Variants in METAP1D observed in about 807,000 individuals in gnomAD.
METAP1D encodes the protein methionyl aminopeptidase type 1D, mitochondrial.
In METAP1D, 31 loss-of-function variants were observed where a neutral mutation model predicts 40.5. The ratio of observed to expected loss-of-function variants is 0.77; its 90% CI spans 0.58 to 1.03. METAP1D has a LOEUF of 1.03. Among genes scored for constraint, METAP1D ranks in the 50% least tolerant of loss-of-function variants. The probability of loss-of-function intolerance (pLI) is 0.00; values close to 1 mark genes in which losing one functional copy is unlikely to be tolerated. For synonymous variants in METAP1D, 151 were observed against 146.4 expected, an observed-to-expected ratio of 1.03 and a Z score of -0.22; for missense variants, 411 against 420.7, an observed-to-expected ratio of 0.98 and a Z score of 0.20.
At position 172,035,401 on chromosome 2, in the gene METAP1D, T is replaced by A. The variant is rs373978260; in HGVS notation, c.41-26097T>A. Among the ~76,000 whole-genome samples, 69 of 152,184 alleles carry A rather than the reference T, an allele frequency of 4.5e-4. No homozygotes were observed. In the East Asian group the frequency reaches 7.1e-3, roughly 16 times the overall value. ...GGATGGTCTCCATCTCCTGACCTCG[T>A]GATCCTACCGCCTCCGCCTCCCAAA... is the stretch of plus-strand genomic sequence containing the variant. On this transcript the variant is annotated intron_variant, in intron 1 of 9. Coordinates refer to ENST00000315796, the MANE Select transcript of METAP1D (RefSeq NM_199227.3).
chr2:172,005,519 T>TA (rs1688556130), intron 1 of METAP1D, among the ~76,000 whole-genome samples: 6 of 109,202 alleles, frequency 5.5e-5, no homozygotes, highest in Non-Finnish European at 1.2e-4. Context: ...GTGTCTGTAT[T>TA]TTATATATAT....
At chr2:172,016,332 A>ATATATATATAT (rs1558995296) in intron 1 of METAP1D, among the ~76,000 whole-genome samples, 2 of 88,014 alleles carry the variant, frequency 2.3e-5, no homozygotes, top group Admixed American at 1.3e-4. Flanking sequence ...TATATATATA[A>ATATATATATAT]ATAGTCCAGG....
intron 1 of METAP1D, among the ~76,000 whole-genome samples, chr2:172,012,646 A>G (rs938235099): frequency 7.1e-6 from 1 of 141,002 alleles, no homozygotes; most frequent in African/African-American, 2.5e-5. Context: ...AGCTTGTTTC[A>G]TGAGGGTCAG....
chr2:172,036,595 G>A (rs1047468856), intron 1 of METAP1D, among the ~76,000 whole-genome samples: 1 of 151,668 alleles, frequency 6.6e-6, no homozygotes, highest in Non-Finnish European at 1.5e-5. Context: ...TCGATCTCCT[G>A]ACCTCGTGAT....
At chr2:172,037,217 G>A (rs923080413) in intron 1 of METAP1D, among the ~76,000 whole-genome samples, 3 of 151,612 alleles carry the variant, frequency 2.0e-5, no homozygotes, top group African/African-American at 4.9e-5. Context: ...AGCCAAAATC[G>A]TGCCGTTGCA....
intron 1 of METAP1D, among the ~76,000 whole-genome samples, chr2:172,012,507 C>T (rs547421830): frequency 3.3e-5 from 5 of 152,280 alleles, no homozygotes; most frequent in African/African-American, 7.2e-5. Flanking sequence ...CCCTTGAACA[C>T]CTCTGTCACT....
chr2:172,059,474 G>A (rs1419430757), intron 1 of METAP1D, among the ~76,000 whole-genome samples: 1 of 152,116 alleles, frequency 6.6e-6, no homozygotes, highest in South Asian at 2.1e-4. Context: ...TGGAACATGT[G>A]TTCACAACTA....
chr2:172,002,421 C>T (rs150071725), intron 1 of METAP1D, among the ~76,000 whole-genome samples: 246 of 152,234 alleles, frequency 1.6e-3, no homozygotes, highest in Middle Eastern at 3.4e-3. Flanking sequence ...TAGCATTAAT[C>T]TTTTCTTTCT....
intron 1 of METAP1D, among the ~76,000 whole-genome samples, chr2:172,033,850 G>C (rs1415430920): frequency 1.3e-5 from 2 of 151,908 alleles, no homozygotes; most frequent in African/African-American, 4.8e-5. Flanking sequence ...GCCGAGGCGG[G>C]GGGGATCACG....
chr2:172,081,906 G>A lies in METAP1D; in HGVS notation c.*1500G>A, dbSNP rs1309783272. ...GGACCAGGTGGCTCGGAAAAGAGATGAGTTCCAGCTTTTACCTAACACAGG... is the reference window on the plus strand; with the variant it reads ...GGACCAGGTGGCTCGGAAAAGAGATAAGTTCCAGCTTTTACCTAACACAGG... On this transcript the variant is annotated 3_prime_UTR_variant, in exon 10 of 10. Transcript: ENST00000315796. 1 of 152,272 alleles carries A rather than the reference G, an allele frequency of 6.6e-6. No individual in the cohort carries two copies. The highest frequency in any genetic ancestry group is 2.4e-5 in the African/African-American group (1 of 41,456). The allele number at this position is 152,272 out of a possible 1,614,324, so 9.4% of individuals were successfully genotyped here. A position where few individuals can be genotyped will look rare whatever the true frequency, so the allele number is the denominator to read the frequency against.
intron 5 of METAP1D, among the ~76,000 whole-genome samples, chr2:172,067,451 T>C (rs919770008): frequency 1.3e-5 from 2 of 152,228 alleles, no homozygotes; most frequent in Admixed American, 1.3e-4. Context: ...TGTATCATTT[T>C]ATCCTACTTA....
At chr2:172,016,322 T>C (rs1395685786) in intron 1 of METAP1D, among the ~76,000 whole-genome samples, 1 of 101,466 alleles carries the variant, frequency 9.9e-6, no homozygotes, top group East Asian at 2.4e-4. Context: ...TATATATATA[T>C]ATATATATAA....
rs1299077551 is a variant in METAP1D at position 172,079,243 on chromosome 2, G to C, written c.831G>C (p.Glu277Asp). The change falls in exon 8 of 10, where the codon GAG (glutamate) becomes GAC (aspartate). Residue 277 changes from glutamate (E) to aspartate (D), a missense_variant. Glu to Asp is a conservative substitution (Grantham distance 45, BLOSUM62 2). Transcript: ENST00000315796. ...ACGACAGTGATCTACCCATGGAGGA[G>C]GGCATGGCATTCACTATAGGTAAAT... Reference protein sequence around the residue: ...HANDSDLPMEEGMAFTIEPII... With the variant: ...HANDSDLPMEDGMAFTIEPII... 1.2e-6 allele frequency: 2 copies of C among 1,614,044 alleles called. No homozygotes were observed. The highest frequency in any genetic ancestry group is 1.7e-6 in the Non-Finnish European group (2 of 1,180,032).
chr2:172,015,154 A>G (rs1031519812), intron 1 of METAP1D, among the ~76,000 whole-genome samples: 9 of 152,230 alleles, frequency 5.9e-5, no homozygotes, highest in Admixed American at 5.9e-4. Flanking sequence ...ATATTTAGAA[A>G]ATAATTAAGT....
intron 1 of METAP1D, among the ~76,000 whole-genome samples, chr2:172,034,641 C>A (rs1689327781): frequency 6.6e-6 from 1 of 152,178 alleles, no homozygotes. Flanking sequence ...TCTGCTTCAA[C>A]AAGCAGTATG....
At position 172,082,172 on chromosome 2, in the gene METAP1D, A is replaced by C. The variant is rs1434373328; in HGVS notation, c.*1766A>C. The C allele has an allele frequency of 6.7e-6, 1 of 150,306 alleles. No individual in the cohort carries two copies. The highest frequency in any genetic ancestry group is 2.0e-4 in the East Asian group (1 of 5,006). 9.3% of individuals were successfully genotyped at this position (150,306 alleles called of 1,614,324 possible). On this transcript the variant is annotated 3_prime_UTR_variant, in exon 10 of 10. Coordinates refer to ENST00000315796, the MANE Select transcript of METAP1D (RefSeq NM_199227.3). ...CAAAGATCTGAATTCCCTAAAGATC[A>C]AGAGGGTTCAGCTGGCCTTGGGAGA... is the stretch of plus-strand genomic sequence containing the variant.
At chr2:172,079,340 G>A (rs923985767) in intron 8 of METAP1D, 78 bp downstream of exon 8, 22 of 1,327,990 alleles carry the variant, frequency 1.7e-5, no homozygotes, top group South Asian at 4.7e-5. Context: ...CCGGCAGTCC[G>A]GTGAAGGACC....
intron 1 of METAP1D, among the ~76,000 whole-genome samples, chr2:172,033,357 A>ATT (rs1313514417): frequency 1.4e-5 from 2 of 145,260 alleles, no homozygotes; most frequent in Non-Finnish European, 1.5e-5. Context: ...CATTTGTTTA[A>ATT]TTTTTTTTTT....
intron 6 of METAP1D, among the ~76,000 whole-genome samples, chr2:172,072,712 T>C (rs1690452965): frequency 6.6e-6 from 1 of 152,208 alleles, no homozygotes; most frequent in African/African-American, 2.4e-5. Context: ...TACTTTCTTG[T>C]TAAAGTAATT....
Sources: allele counts gnomAD v4.1 joint callset (sites outside exome capture counted in the v4.1 genomes callset), GRCh38; gene constraint gnomAD v4.1.1; transcripts MANE v1.5; gene names NCBI Gene and HGNC (gene_info 2026-07-23, HGNC 2026-07-21).